Variants in DYNC2H1 observed in about 807,000 individuals in gnomAD.
The protein encoded by DYNC2H1 is dynein cytoplasmic 2 heavy chain 1.
DYNC2H1 carries 410 observed loss-of-function variants against 570.0 expected under a neutral mutation model. The ratio of observed to expected loss-of-function variants is 0.72; its 90% CI spans 0.66 to 0.78. The LOEUF is 0.78. DYNC2H1 is among the 30% of genes least tolerant of loss of function. DYNC2H1 has a pLI of 0.00. For synonymous variants in DYNC2H1, 1,688 were observed against 1,677.6 expected (o/e 1.01, Z -0.15); for missense variants, 4,865 against 5,046.4 (o/e 0.96, Z 1.09).
chr11:103,410,511 C>T (rs749970826), intron 84 of DYNC2H1, among the ~76,000 whole-genome samples: 2 of 151,976 alleles, frequency 1.3e-5, no homozygotes, highest in Non-Finnish European at 2.9e-5. Context: ...GAACAGGCTC[C>T]CCTAGAGGGA....
chr11:103,353,888 A>C (rs1940176641), intron 82 of DYNC2H1, among the ~76,000 whole-genome samples: 1 of 151,920 alleles, frequency 6.6e-6, no homozygotes, highest in South Asian at 2.1e-4. Context: ...TTTTTTAAAA[A>C]TCTCTTTGGG....
intron 70 of DYNC2H1, among the ~76,000 whole-genome samples, chr11:103,266,347 T>C (rs10895387): frequency 0.19 from 28,515 of 151,798 alleles, 3,566 homozygotes; most frequent in African/African-American, 0.36. Flanking sequence ...ACACTGCAGG[T>C]GGTGTTGGCT....
intron 88 of DYNC2H1, among the ~76,000 whole-genome samples, chr11:103,470,014 A>G (rs1279281050): frequency 2.0e-5 from 3 of 149,486 alleles, no homozygotes; most frequent in Non-Finnish European, 4.5e-5. Context: ...CATGAGGAGG[A>G]AAAAAAAAAG....
Position 103,326,321 on chromosome 11 carries a change from G to C in DYNC2H1, c.12039+2331G>C, listed in dbSNP as rs376966625. ...CTTCTGATCATTGGCTCCTTCCCCGGGTTTCTTTTGCTATGTGTTCGGGGT... is the reference window on the plus strand; with the variant it reads ...CTTCTGATCATTGGCTCCTTCCCCGCGTTTCTTTTGCTATGTGTTCGGGGT... On this transcript the variant is annotated intron_variant, in intron 82 of 88. Coordinates refer to ENST00000375735, the MANE Select transcript of DYNC2H1 (RefSeq NM_001377.3). This position sits in a 1 kb window ranked among gnomAD's most constrained non-coding sequence, Gnocchi z 6.1. Among the ~76,000 whole-genome samples the C allele has an allele frequency of 6.6e-6, 1 of 152,106 alleles. No individual in the cohort carries two copies. The highest frequency in any genetic ancestry group is 2.1e-4 in the South Asian group (1 of 4,824).
intron 61 of DYNC2H1, among the ~76,000 whole-genome samples, 178 bp downstream of exon 61, chr11:103,234,338 G>T (rs368629769): frequency 1.4e-4 from 22 of 151,944 alleles, no homozygotes; most frequent in African/African-American, 5.3e-4. Flanking sequence ...GTCTTTATAT[G>T]AATAGATTTT....
intron 85 of DYNC2H1, among the ~76,000 whole-genome samples, chr11:103,454,368 T>C (rs958676741): frequency 6.6e-6 from 1 of 152,196 alleles, no homozygotes; most frequent in African/African-American, 2.4e-5. Flanking sequence ...TGAATCAGTC[T>C]ATCTCTTAAA....
chr11:103,230,384 G>C lies in DYNC2H1; in HGVS notation c.9354-876G>C, dbSNP rs532554182. ...ATTTTATGGCAACCCCTTAATATTTGTGGGTATTTTGAGAGGATAAGGTGT... is the reference window on the plus strand; with the variant it reads ...ATTTTATGGCAACCCCTTAATATTTCTGGGTATTTTGAGAGGATAAGGTGT... On this transcript the variant is annotated intron_variant, in intron 59 of 88. Coordinates refer to ENST00000375735, the MANE Select transcript of DYNC2H1 (RefSeq NM_001377.3). Among the ~76,000 whole-genome samples the C allele has an allele frequency of 2.6e-5, 4 of 152,270 alleles. No homozygotes were observed. The South Asian group carries it at 8.3e-4, about 32-fold the overall frequency.
chr11:103,189,917 C>T lies in DYNC2H1; in HGVS notation c.7437+101C>T. Reference sequence around the variant, plus strand: ...TGTGTTGACACCCAGGCTTTACTTTCCTGTTTATTAGACTTTTCTAGTAGA... The same window carrying T: ...TGTGTTGACACCCAGGCTTTACTTTTCTGTTTATTAGACTTTTCTAGTAGA... On this transcript the variant is annotated intron_variant, in intron 45 of 88. Transcript: ENST00000375735. This position sits in a 1 kb window ranked among gnomAD's most constrained non-coding sequence, Gnocchi z 4.3. 1 of 1,264,620 alleles carries T rather than the reference C, an allele frequency of 7.9e-7. No individual in the cohort carries two copies. The highest frequency in any genetic ancestry group is 1.5e-5 in the African/African-American group (1 of 66,698). The allele number at this position is 1,264,620 out of a possible 1,614,324, so 78.3% of individuals were successfully genotyped here.
intron 45 of DYNC2H1, among the ~76,000 whole-genome samples, chr11:103,190,960 C>CTT (rs10707668): frequency 0.041 from 4,527 of 110,408 alleles, 276 homozygotes; most frequent in African/African-American, 0.14. Context: ...GCTTTTTAGC[C>CTT]TTTTTTTTTT....
chr11:103,124,622 AATT>A, intron 11 of DYNC2H1, among the ~76,000 whole-genome samples: 1 of 152,262 alleles, frequency 6.6e-6, no homozygotes, highest in Middle Eastern at 3.4e-3. Context: ...AAAAAAGGAC[AATT>A]ATTAGGTAGT....
At position 103,419,178 on chromosome 11, in the gene DYNC2H1, C is replaced by T. The variant is rs549167909; in HGVS notation, c.12367-16765C>T. Among the ~76,000 whole-genome samples, 15 of 152,274 alleles carry T rather than the reference C, an allele frequency of 9.9e-5. No individual in the cohort carries two copies. The South Asian group carries it at 2.5e-3, about 25-fold the overall frequency. On this transcript the variant is annotated intron_variant, in intron 84 of 88. Transcript: ENST00000375735. ...GGGGTAGGGGTGGCGGCCGTCTCTG[C>T]GATTTGGTAGACTTAGCCATTCCAG...
At chr11:103,302,719 A>T (rs971851161) in intron 75 of DYNC2H1, among the ~76,000 whole-genome samples, 1 of 152,032 alleles carries the variant, frequency 6.6e-6, no homozygotes, top group East Asian at 1.9e-4. Context: ...TACTAATGAG[A>T]TATATAGATT....
At chr11:103,425,689 A>G (rs1376195596) in intron 84 of DYNC2H1, among the ~76,000 whole-genome samples, 1 of 152,012 alleles carries the variant, frequency 6.6e-6, no homozygotes, top group African/African-American at 2.4e-5. Context: ...AATAATGGCT[A>G]TTTAACAACG....
intron 4 of DYNC2H1, among the ~76,000 whole-genome samples, chr11:103,115,616 G>A (rs369847811): frequency 3.9e-5 from 6 of 152,122 alleles, no homozygotes; most frequent in East Asian, 3.9e-4. Context: ...TGGCCAACAC[G>A]GTGAAACCTC....
At chr11:103,435,822 A>T in intron 84 of DYNC2H1, 121 bp from the exon 85 acceptor site, 1 of 763,466 alleles carries the variant, frequency 1.3e-6, no homozygotes, top group Non-Finnish European at 2.2e-6. Flanking sequence ...GATCAAACTT[A>T]ATGAATTTCA....
Position 103,188,648 on chromosome 11 carries a change from A to G in DYNC2H1, c.7292A>G (p.Asp2431Gly). The stretch of plus-strand genomic sequence containing the variant: ...TCCATCGTTCGTCTTTGTTCTATAG[A>G]GTATGTATCTTTGTGTTTCAGATTT... The part of the protein sequence containing the change: ...FTSIVRLCSI[D>G]YPEREQLQTI... The change falls in exon 44 of 89, where the codon GAT becomes GGT. Residue 2431 changes from aspartate to glycine, a missense_variant and splice_region_variant. Asp to Gly is a moderately conservative substitution (Grantham distance 94). Around this residue, in one of 5 missense-constraint regions of DYNC2H1, gnomAD observed 2,401 missense variants for 2,454.6 expected, o/e 0.98. Transcript: ENST00000375735. 6.4e-7 allele frequency: 1 copy of G among 1,551,474 alleles called. No individual in the cohort carries two copies. The highest frequency in any genetic ancestry group is 8.7e-7 in the Non-Finnish European group (1 of 1,147,528).
In DYNC2H1 at chr11:103,268,302, G is replaced by C. The variant is rs1002546111; in HGVS notation, c.10695+8325G>C. Among the ~76,000 whole-genome samples, 2 of 151,854 alleles carry C rather than the reference G, an allele frequency of 1.3e-5. No homozygotes were observed. Among genetic ancestry groups the C allele is most frequent in the African/African-American group, 4.8e-5 (2 of 41,382 alleles). Reference sequence around the variant, plus strand: ...TTTTACCAAGCTCTGGTTTATAAATGTTATCTTATTGTTTTTAAAGTTGTT... The same window carrying C: ...TTTTACCAAGCTCTGGTTTATAAATCTTATCTTATTGTTTTTAAAGTTGTT... On this transcript the variant is annotated intron_variant, in intron 70 of 88. Coordinates refer to ENST00000375735, the MANE Select transcript of DYNC2H1 (RefSeq NM_001377.3). This position sits in a 1 kb window ranked among gnomAD's most constrained non-coding sequence, Gnocchi z 4.6.
intron 54 of DYNC2H1, among the ~76,000 whole-genome samples, chr11:103,214,443 C>CTTT (rs1555071078): frequency 3.8e-5 from 2 of 51,972 alleles, no homozygotes; most frequent in Non-Finnish European, 3.5e-5. Flanking sequence ...AGTACTTCTT[C>CTTT]TTCTTTTTTT....
intron 10 of DYNC2H1, 94 bp downstream of exon 10, chr11:103,121,590 C>A: frequency 7.6e-7 from 1 of 1,316,812 alleles, no homozygotes. Context: ...TAAATATATT[C>A]TCTGTTTTCC....
Sources: allele counts gnomAD v4.1 joint callset (sites outside exome capture counted in the v4.1 genomes callset), GRCh38; gene constraint gnomAD v4.1.1; regional missense constraint gnomAD v4.1.1; non-coding constraint Gnocchi (gnomAD v3.1); transcripts MANE v1.5; gene names NCBI Gene and HGNC (gene_info 2026-07-23, HGNC 2026-07-21).